Variants in GIMAP8 observed in about 807,000 individuals in gnomAD.
GIMAP8 encodes the protein GTPase IMAP family member 8.
GIMAP8 carries 29 observed loss-of-function variants against 35.6 expected under a neutral mutation model. That is an observed-to-expected ratio of 0.81 (90% CI 0.61 to 1.11). GIMAP8 has a LOEUF of 1.11. GIMAP8 is among the 50% of genes most tolerant of loss of function. The pLI is 0.00. For missense variants in GIMAP8, 811 were observed against 805.0 expected (o/e 1.01, Z -0.09); for synonymous variants, 335 against 308.7 (o/e 1.09, Z -0.89).
chr7:150,461,900 G>T (rs543576455), intron 1 of GIMAP8, among the ~76,000 whole-genome samples: 279 of 152,316 alleles, frequency 1.8e-3, no homozygotes, highest in African/African-American at 6.3e-3. Context: ...AACAGGCTTT[G>T]TGTGAGCAAG....
At chr7:150,465,189 C>T (rs1386774647) in intron 1 of GIMAP8, among the ~76,000 whole-genome samples, 1 of 152,204 alleles carries the variant, frequency 6.6e-6, no homozygotes, top group South Asian at 2.1e-4. Context: ...GAATAACTTT[C>T]TGACTTCACC....
At chr7:150,470,762 T>G in intron 2 of GIMAP8, 67 bp from the exon 3 acceptor site, 2 of 711,324 alleles carry the variant, frequency 2.8e-6, no homozygotes, top group Non-Finnish European at 2.2e-6. Flanking sequence ...TTTTTTTTTT[T>G]TTTTTTCAGT....
intron 3 of GIMAP8, 93 bp downstream of exon 3, chr7:150,470,967 AC>A: frequency 1.1e-6 from 1 of 938,750 alleles, no homozygotes; most frequent in Non-Finnish European, 1.6e-6. Flanking sequence ...ATCCATATAA[AC>A]CAGAAAATTC....
At position 150,472,061 on chromosome 7, in the gene GIMAP8, G is replaced by A. The variant is rs1315192600; in HGVS notation, c.682+1187G>A. Reference sequence around the variant, plus strand: ...CAGGCAGAAGGGTTTCAAAATTCTGGCAATGCCCTTTGGCCGAGACCCCAG... The same window carrying A: ...CAGGCAGAAGGGTTTCAAAATTCTGACAATGCCCTTTGGCCGAGACCCCAG... On this transcript the variant is annotated intron_variant, in intron 3 of 4. Transcript: ENST00000307271. The surrounding 1 kb of genome is among the most constrained non-coding windows in gnomAD (Gnocchi z 4.1). Among the ~76,000 whole-genome samples the A allele has an allele frequency of 6.6e-6, 1 of 152,096 alleles. No homozygotes were observed. The highest frequency in any genetic ancestry group is 2.4e-5 in the African/African-American group (1 of 41,414).
chr7:150,470,772 T>TTG, intron 2 of GIMAP8, 57 bp from the exon 3 acceptor site: 1 of 749,204 alleles, frequency 1.3e-6, no homozygotes, highest in Non-Finnish European at 2.2e-6. Context: ...TTTTTTTCAG[T>TTG]TTGTGGAAGA....
chr7:150,454,346 A>C (rs1180188636), intron 1 of GIMAP8, among the ~76,000 whole-genome samples: 1 of 152,178 alleles, frequency 6.6e-6, no homozygotes, highest in East Asian at 1.9e-4. Context: ...ATTGGTGGAC[A>C]ATAGACAGCT....
intron 1 of GIMAP8, 79 bp from the exon 2 acceptor site, chr7:150,466,592 G>C: frequency 7.8e-7 from 1 of 1,290,266 alleles, no homozygotes; most frequent in South Asian, 1.4e-5. Flanking sequence ...GAGTCAAAAA[G>C]AGAATGTCTT....
rs1042870646 is a variant in GIMAP8, at chr7:150,472,754, A to G, written c.683-1258A>G. On this transcript the variant is annotated intron_variant, in intron 3 of 4. Coordinates refer to ENST00000307271, the MANE Select transcript of GIMAP8 (RefSeq NM_175571.4). The surrounding 1 kb of genome is among the most constrained non-coding windows in gnomAD (Gnocchi z 4.1). ...GTTCTCTTGAAGAAGTTATATTTGCATAGGAACCTGAGTAGCCAGCAGGAG... is the reference window on the plus strand; with the variant it reads ...GTTCTCTTGAAGAAGTTATATTTGCGTAGGAACCTGAGTAGCCAGCAGGAG... 2.6e-5 allele frequency among the ~76,000 whole-genome samples: 4 copies of G among 152,190 alleles called. No individual in the cohort carries two copies. The highest frequency in any genetic ancestry group is 1.9e-4 in the East Asian group (1 of 5,198).
chr7:150,469,740 T>A (rs1802046581), intron 2 of GIMAP8, among the ~76,000 whole-genome samples: 1 of 152,038 alleles, frequency 6.6e-6, no homozygotes, highest in South Asian at 2.1e-4. Context: ...CCTAAAGATA[T>A]ATGTACAAGA....
chr7:150,472,564 T>A lies in GIMAP8; in HGVS notation c.683-1448T>A, dbSNP rs1457636185. ...CAGCTCCTGGCTCTCAAGGGCTATT[T>A]ATTATCCCTTCTCACTCCTACTTTT... On this transcript the variant is annotated intron_variant, in intron 3 of 4. Coordinates refer to ENST00000307271, the MANE Select transcript of GIMAP8 (RefSeq NM_175571.4). This position sits in a 1 kb window ranked among gnomAD's most constrained non-coding sequence, Gnocchi z 4.1. Among the ~76,000 whole-genome samples, 1 of 152,214 alleles carries A rather than the reference T, an allele frequency of 6.6e-6. No individual in the cohort carries two copies. Among genetic ancestry groups the A allele is most frequent in the Non-Finnish European group, 1.5e-5 (1 of 68,028 alleles).
rs1160035300 is a variant in GIMAP8 at position 150,477,474 on chromosome 7, C to T, written c.1692C>T (p.Phe564=). 1.9e-6 allele frequency: 3 copies of T among 1,614,056 alleles called. No individual in the cohort carries two copies. The highest frequency in any genetic ancestry group is 2.5e-6 in the Non-Finnish European group (3 of 1,180,006). ...ADFTKYAIML[F]TRKEDLGAGN... ...TTACGAAATACGCGATTATGCTGTT[C>T]ACCCGGAAGGAAGACCTAGGGGCGG... is the stretch of plus-strand genomic sequence containing the variant. The change falls in exon 5 of 5, where the codon TTC becomes TTT. Residue 564 remains phenylalanine (F), a synonymous_variant. Coordinates refer to ENST00000307271, the MANE Select transcript of GIMAP8 (RefSeq NM_175571.4).
chr7:150,455,182 A>AAAAGAATG (rs1462602350), intron 1 of GIMAP8, among the ~76,000 whole-genome samples: 2 of 150,918 alleles, frequency 1.3e-5, no homozygotes, highest in Non-Finnish European at 3.0e-5. Context: ...TGGTCAACAA[A>AAAAGAATG]AAAGAATGGA....
At chr7:150,471,346 A>G (rs1174656713) in intron 3 of GIMAP8, among the ~76,000 whole-genome samples, 1 of 152,246 alleles carries the variant, frequency 6.6e-6, no homozygotes, top group African/African-American at 2.4e-5. Flanking sequence ...CTCCTTCCGT[A>G]TAGTAGATGC....
rs1284751282 is a variant in GIMAP8, at chr7:150,472,639, AATAAAT to A, written c.683-1367_683-1362del. ...TAAATTGAAGAGAGTCCATATTCGA[AATAAAT>A]ATAAAATTATTATTTTGGTAAGAAT... On this transcript the variant is annotated intron_variant, in intron 3 of 4. Coordinates refer to ENST00000307271, the MANE Select transcript of GIMAP8 (RefSeq NM_175571.4). The surrounding 1 kb of genome is among the most constrained non-coding windows in gnomAD (Gnocchi z 4.1). 6.6e-6 allele frequency among the ~76,000 whole-genome samples: 1 copy of A among 152,218 alleles called. No homozygotes were observed. Among genetic ancestry groups the A allele is most frequent in the Non-Finnish European group, 1.5e-5 (1 of 68,048 alleles).
chr7:150,452,709 T>TATATATATATACAC (rs1373884339), intron 1 of GIMAP8, among the ~76,000 whole-genome samples: 1,129 of 106,364 alleles, frequency 0.011, 9 homozygotes, highest in East Asian at 0.038. Context: ...TATATATATA[T>TATATATATATACAC]ACATGCGAGT....
At position 150,474,261 on chromosome 7, in the gene GIMAP8, A is replaced by T. The variant is rs1172539544; in HGVS notation, c.932A>T (p.Asn311Ile). 3 of 1,614,088 alleles carry T rather than the reference A, an allele frequency of 1.9e-6. No individual in the cohort carries two copies. The highest frequency in any genetic ancestry group is 2.5e-6 in the Non-Finnish European group (3 of 1,180,036). The part of the protein sequence containing the change: ...IDAPDISSLK[N>I]IDSEVRKHIC... Reference sequence around the variant, plus strand: ...GCTCCGGACATCTCATCTTTAAAGAACATTGACTCAGAAGTTAGAAAACAC... The same window carrying T: ...GCTCCGGACATCTCATCTTTAAAGATCATTGACTCAGAAGTTAGAAAACAC... Residue 311 changes from asparagine to isoleucine, a missense_variant, in exon 4 of 5, where the codon AAC becomes ATC. Coordinates refer to ENST00000307271, the MANE Select transcript of GIMAP8 (RefSeq NM_175571.4).
rs1222608479 is a variant in GIMAP8 at position 150,474,531 on chromosome 7, A to C, written c.1202A>C (p.Tyr401Ser). 6.3e-7 allele frequency: 1 copy of C among 1,577,676 alleles called. No homozygotes were observed. Among genetic ancestry groups the C allele is most frequent in the Non-Finnish European group, 8.7e-7 (1 of 1,147,514 alleles). Residue 401 changes from tyrosine to serine, a missense_variant, in exon 4 of 5, where the codon TAC (tyrosine) becomes TCC (serine). By Grantham distance (144) the Tyr-to-Ser change is moderately radical. Transcript: ENST00000307271. ...KCKNRYSAFN[Y>S]RATGEEEQRQ... ...AAAAACAGATATAGTGCCTTCAACT[A>C]CCGGGCAACAGGAGAAGAAGAGCAA...
At chr7:150,462,737 C>T (rs1329102557) in intron 1 of GIMAP8, among the ~76,000 whole-genome samples, 1 of 152,150 alleles carries the variant, frequency 6.6e-6, no homozygotes, top group East Asian at 1.9e-4. Context: ...TTATATGTGA[C>T]TTGAGACTTT....
At chr7:150,453,591 A>T (rs1413238460) in intron 1 of GIMAP8, among the ~76,000 whole-genome samples, 1 of 152,240 alleles carries the variant, frequency 6.6e-6, no homozygotes, top group Non-Finnish European at 1.5e-5. Context: ...TCTTCGGCGT[A>T]TCTGCTGCAT....
Sources: gnomAD v4.1 joint callset for allele counts (sites outside exome capture counted in the v4.1 genomes callset) on GRCh38, gnomAD v4.1.1 for gene constraint, Gnocchi (gnomAD v3.1) non-coding constraint, MANE v1.5 for transcripts, NCBI Gene and HGNC (gene_info 2026-07-23, HGNC 2026-07-21) for gene names.